Variants in OTOGL observed in about 807,000 individuals in gnomAD.
OTOGL encodes otogelin-like protein.
Under a neutral mutation model 318.5 loss-of-function variants are expected in OTOGL, and 285 were observed. That is an observed-to-expected ratio of 0.89 (90% CI 0.81 to 0.99). The LOEUF is 0.99. Among genes scored for constraint, OTOGL ranks in the 50% least tolerant of loss-of-function variants. The pLI, the probability that OTOGL is intolerant of heterozygous loss-of-function variation, is 0.00. For synonymous variants in OTOGL, 987 were observed against 936.5 expected, an observed-to-expected ratio of 1.05 and a Z score of -0.99; for missense variants, 2,899 against 2,845.6, an observed-to-expected ratio of 1.02 and a Z score of -0.43.
intron 1 of OTOGL, among the ~76,000 whole-genome samples, chr12:80,182,247 C>A (rs562899209): frequency 6.6e-6 from 1 of 152,286 alleles, no homozygotes; most frequent in African/African-American, 2.4e-5. Flanking sequence ...GTTATCAAAA[C>A]TTCCTACTCA....
rs188534217 is a variant in OTOGL, at chr12:80,241,768, A to G, written c.1052+2329A>G. On this transcript the variant is annotated intron_variant, in intron 11 of 58. Transcript: ENST00000547103. ...TGGAATGTTTATATTTCTCTTACATAAAAATCCATGCCGGTTAGTGGTCTT... is the reference window on the plus strand; with the variant it reads ...TGGAATGTTTATATTTCTCTTACATGAAAATCCATGCCGGTTAGTGGTCTT... 3.0e-3 allele frequency among the ~76,000 whole-genome samples: 453 copies of G among 152,276 alleles called. 5 individuals are homozygous for G. Among genetic ancestry groups the G allele is most frequent in the Middle Eastern group, 0.017 (5 of 294 alleles).
intron 27 of OTOGL, among the ~76,000 whole-genome samples, chr12:80,301,750 GT>G (rs1352148075): frequency 6.6e-6 from 1 of 152,038 alleles, no homozygotes; most frequent in Non-Finnish European, 1.5e-5. Flanking sequence ...ACATACAGTA[GT>G]TCCCCCTTAT....
intron 44 of OTOGL, among the ~76,000 whole-genome samples, chr12:80,351,177 G>C (rs1452611991): frequency 6.6e-6 from 1 of 152,008 alleles, no homozygotes; most frequent in Non-Finnish European, 1.5e-5. Context: ...TCCCCATTGT[G>C]TACTCTTGGC....
At chr12:80,325,000 G>A (rs1447697543) in intron 35 of OTOGL, among the ~76,000 whole-genome samples, 1 of 151,482 alleles carries the variant, frequency 6.6e-6, no homozygotes, top group Non-Finnish European at 1.5e-5. Flanking sequence ...AAAATAGGAA[G>A]AGACAAAACA....
chr12:80,283,230 A>G (rs1184767029), intron 26 of OTOGL, among the ~76,000 whole-genome samples: 2 of 151,968 alleles, frequency 1.3e-5, no homozygotes, highest in Non-Finnish European at 2.9e-5. Context: ...TGAGACTCAT[A>G]TTGTTATCAT....
chr12:80,110,967 T>C (rs1869802968), intron 1 of OTOGL, among the ~76,000 whole-genome samples: 1 of 152,218 alleles, frequency 6.6e-6, no homozygotes, highest in Non-Finnish European at 1.5e-5. Context: ...TGATATCTCA[T>C]TGTGGTTTTA....
At chr12:80,305,070 T>C (rs1172370155) in intron 28 of OTOGL, among the ~76,000 whole-genome samples, 1 of 152,148 alleles carries the variant, frequency 6.6e-6, no homozygotes, top group Non-Finnish European at 1.5e-5. Context: ...GAAAAACAAA[T>C]GGTTAACTTG....
At chr12:80,218,768 T>A (rs549616473) in intron 5 of OTOGL, among the ~76,000 whole-genome samples, 1 of 150,984 alleles carries the variant, frequency 6.6e-6, no homozygotes, top group Non-Finnish European at 1.5e-5. Flanking sequence ...AATTTAAGTA[T>A]AGATTTCTTT....
At chr12:80,285,786 ATTTTC>A (rs1884574022) in intron 26 of OTOGL, among the ~76,000 whole-genome samples, 1 of 151,878 alleles carries the variant, frequency 6.6e-6, no homozygotes, top group Non-Finnish European at 1.5e-5. Flanking sequence ...AGATGATGGG[ATTTTC>A]TAAATATACA....
chr12:80,193,001 C>A (rs953399064), intron 1 of OTOGL, among the ~76,000 whole-genome samples: 3 of 145,162 alleles, frequency 2.1e-5, no homozygotes, highest in East Asian at 4.1e-4. Context: ...AAAAAAAAAA[C>A]CGAATCAGTT....
In OTOGL at chr12:80,320,464, A is replaced by G; in HGVS notation, c.3845A>G (p.Tyr1282Cys). ...TTGGAATCTGCTGAAAGGCCAAACT[A>G]CTTTCTCTATGTCCATGACAATGAT... Reference protein sequence around the residue: ...VSLESAERPNYFLYVHDNDTL... With the variant: ...VSLESAERPNCFLYVHDNDTL... The change falls in exon 34 of 59, where the codon TAC (tyrosine) becomes TGC (cysteine). Residue 1282 changes from tyrosine to cysteine, a missense_variant. By Grantham distance (194) the Tyr-to-Cys change is radical. Around this residue, in one of 3 missense-constraint regions of OTOGL, gnomAD observed 2,607 missense variants for 2,524.9 expected, o/e 1.03. Transcript: ENST00000547103. 1 of 1,613,464 alleles carries G rather than the reference A, an allele frequency of 6.2e-7. No individual in the cohort carries two copies. The highest frequency in any genetic ancestry group is 8.5e-7 in the Non-Finnish European group (1 of 1,179,552).
intron 1 of OTOGL, among the ~76,000 whole-genome samples, chr12:80,124,051 C>T (rs1394419736): frequency 6.6e-6 from 1 of 152,188 alleles, no homozygotes; most frequent in African/African-American, 2.4e-5. Flanking sequence ...AACTAGATCC[C>T]ATTTGTCAAT....
At chr12:80,189,362 C>T (rs965800135) in intron 1 of OTOGL, 4 of 864,890 alleles carry the variant, frequency 4.6e-6, no homozygotes, top group Admixed American at 6.2e-5. Context: ...ATCAAGCATG[C>T]CTCTGAGTAA....
At chr12:80,222,267 T>G (rs372101105) in intron 7 of OTOGL, 22 bp downstream of exon 7, 1 of 1,542,684 alleles carries the variant, frequency 6.5e-7, no homozygotes, top group Non-Finnish European at 8.7e-7. Context: ...TAGGACATGA[T>G]TAACTTAAAA....
At chr12:80,237,158 A>G in intron 9 of OTOGL, among the ~76,000 whole-genome samples, 1 of 151,970 alleles carries the variant, frequency 6.6e-6, no homozygotes, top group East Asian at 1.9e-4. Flanking sequence ...AAATTTCACA[A>G]ATTCCCCTAT....
intron 57 of OTOGL, among the ~76,000 whole-genome samples, chr12:80,376,373 A>G (rs1891177658): frequency 6.6e-6 from 1 of 152,194 alleles, no homozygotes; most frequent in South Asian, 2.1e-4. Context: ...TGATTTTCCT[A>G]AAGTAACAAA....
At position 80,169,067 on chromosome 12, in the gene OTOGL, A is replaced by T. The variant is rs544509158; in HGVS notation, c.-19-40346A>T. On this transcript the variant is annotated intron_variant, in intron 1 of 58. Transcript: ENST00000547103. ...AGCTATAGTCTTGTTTGCCTTCTAG[A>T]TTTTTTTTTCTTAGAATAGCTCAGT... Among the ~76,000 whole-genome samples the T allele has an allele frequency of 8.6e-5, 13 of 151,638 alleles. 1 individual carries two copies. The South Asian group carries it at 2.3e-3, about 27-fold the overall frequency.
chr12:80,239,484 A>G (rs1247425683), intron 11 of OTOGL, 45 bp downstream of exon 11: 4 of 1,356,874 alleles, frequency 2.9e-6, no homozygotes, highest in African/African-American at 1.5e-5. Context: ...TCTTTATGCA[A>G]AAAGAAGACC....
chr12:80,267,205 T>C, intron 21 of OTOGL, 48 bp from the exon 22 acceptor site: 1 of 1,306,902 alleles, frequency 7.7e-7, no homozygotes, highest in Non-Finnish European at 1.1e-6. Context: ...ATTTTAGTGG[T>C]TTTTGAAAAA....
Sources: allele counts gnomAD v4.1 joint callset (sites outside exome capture counted in the v4.1 genomes callset), GRCh38; gene constraint gnomAD v4.1.1; regional missense constraint gnomAD v4.1.1; transcripts MANE v1.5; gene names NCBI Gene and HGNC (gene_info 2026-07-23, HGNC 2026-07-21).